GULP1: variants seen among roughly 807,000 people sequenced by gnomAD.
The protein encoded by GULP1 is GULP PTB domain containing engulfment adaptor 1, also known as PTB domain-containing engulfment adapter protein 1.
GULP1 carries 19 observed loss-of-function variants against 40.9 expected under a neutral mutation model. That is an observed-to-expected ratio of 0.46 (90% confidence interval 0.32 to 0.68). The LOEUF (loss-of-function observed/expected upper bound fraction) is 0.68, where lower values mean the gene tolerates loss of function less well. Ranked by LOEUF, GULP1 falls within the 30% of genes least tolerant of loss-of-function variation. GULP1 has a pLI of 0.03. For missense variants in GULP1, 312 were observed against 362.2 expected (o/e 0.86, Z 1.12); for synonymous variants, 119 against 117.6 (o/e 1.01, Z -0.08).
intron 1 of GULP1, among the ~76,000 whole-genome samples, chr2:188,325,400 A>G (rs1375693176): frequency 6.6e-6 from 1 of 152,092 alleles, no homozygotes; most frequent in Admixed American, 6.6e-5. Flanking sequence ...GCCTTGTTCA[A>G]TCTCGTGTTA....
In GULP1 at chr2:188,490,033, T is replaced by C. The variant is rs576598598; in HGVS notation, c.90+6541T>C. On this transcript the variant is annotated intron_variant, in intron 4 of 11. Coordinates refer to ENST00000409830, the MANE Select transcript of GULP1 (RefSeq NM_016315.4). ...AGTACTCTAACAAGTGTTATATAGCTGCTAGAAATTATTGAATAGGAACTA... is the reference window on the plus strand; with the variant it reads ...AGTACTCTAACAAGTGTTATATAGCCGCTAGAAATTATTGAATAGGAACTA... Among the ~76,000 whole-genome samples, 110 of 152,282 alleles carry C rather than the reference T, an allele frequency of 7.2e-4. 1 individual carries two copies. In the South Asian group the frequency reaches 8.7e-3, roughly 12 times the overall value.
chr2:188,382,724 A>G (rs2049157167), intron 1 of GULP1, among the ~76,000 whole-genome samples: 1 of 152,132 alleles, frequency 6.6e-6, no homozygotes, highest in Admixed American at 6.6e-5. Context: ...CCTCTCTACT[A>G]AAAATACAAA....
intron 4 of GULP1, among the ~76,000 whole-genome samples, chr2:188,495,088 C>A (rs1244568914): frequency 2.0e-5 from 3 of 152,032 alleles, no homozygotes; most frequent in African/African-American, 7.2e-5. Context: ...TTCACTAGAT[C>A]AAAGGATCTT....
intron 1 of GULP1, among the ~76,000 whole-genome samples, chr2:188,367,111 A>G (rs952716436): frequency 6.6e-6 from 1 of 152,192 alleles, no homozygotes; most frequent in African/African-American, 2.4e-5. Flanking sequence ...AAATTCCTTG[A>G]GGGCAGAAAA....
At chr2:188,517,473 G>A (rs964186936) in intron 4 of GULP1, among the ~76,000 whole-genome samples, 4 of 151,196 alleles carry the variant, frequency 2.6e-5, no homozygotes, top group Non-Finnish European at 4.4e-5. Context: ...TTTTTATTGC[G>A]CTCCCTCTAC....
chr2:188,345,748 G>A (rs1226801185), intron 1 of GULP1, among the ~76,000 whole-genome samples: 1 of 152,204 alleles, frequency 6.6e-6, no homozygotes, highest in African/African-American at 2.4e-5. Context: ...AGATGCAAGT[G>A]CATTTATAAA....
intron 11 of GULP1, 57 bp from the exon 12 acceptor site, chr2:188,593,883 C>G (rs1704074812): frequency 1.1e-6 from 1 of 940,692 alleles, no homozygotes; most frequent in East Asian, 2.4e-5. Flanking sequence ...TTTTTATTCA[C>G]TGATTTTATT....
intron 4 of GULP1, among the ~76,000 whole-genome samples, chr2:188,490,063 C>T (rs1559300918): frequency 6.6e-6 from 1 of 151,942 alleles, no homozygotes. Context: ...GAACTAAAAA[C>T]TTTTATTAGT....
At chr2:188,387,023 G>A (rs1393691326) in intron 2 of GULP1, among the ~76,000 whole-genome samples, 1 of 151,954 alleles carries the variant, frequency 6.6e-6, no homozygotes, top group African/African-American at 2.4e-5. Flanking sequence ...ATTAACTGAG[G>A]TCAGGAGGTC....
chr2:188,589,203 A>G (rs984560688), intron 11 of GULP1: 1 of 152,186 alleles, frequency 6.6e-6, no homozygotes, highest in African/African-American at 2.4e-5. Flanking sequence ...TGCAACACCA[A>G]TACAGGACGG....
chr2:188,406,093 C>T (rs2053054035), intron 2 of GULP1, among the ~76,000 whole-genome samples: 1 of 152,110 alleles, frequency 6.6e-6, no homozygotes, highest in Non-Finnish European at 1.5e-5. Flanking sequence ...TGTACTTATG[C>T]AAATCTAGAA....
chr2:188,497,909 T>G (rs906730946), intron 4 of GULP1, among the ~76,000 whole-genome samples: 2 of 151,936 alleles, frequency 1.3e-5, no homozygotes, highest in African/African-American at 4.8e-5. Context: ...ATCTCTAGAT[T>G]ATGAACCAAC....
intron 1 of GULP1, among the ~76,000 whole-genome samples, chr2:188,329,363 A>G (rs2041231820): frequency 6.6e-6 from 1 of 152,124 alleles, no homozygotes; most frequent in Non-Finnish European, 1.5e-5. Context: ...TAAGGATGCT[A>G]GTCTAGGAAT....
Position 188,570,032 on chromosome 2 carries a change from A to C in GULP1, c.521A>C (p.Gln174Pro). The change falls in exon 9 of 12, where the codon CAA (glutamine) becomes CCA (proline). Residue 174 changes from glutamine to proline, a missense_variant. Coordinates refer to ENST00000409830, the MANE Select transcript of GULP1 (RefSeq NM_016315.4). The part of the protein sequence containing the change: ...KQIAGLQKRI[Q>P]DLETENMELK... ...CAATAATGATTTTCTTTTTAGATCC[A>C]AGACTTAGAAACAGAAAATATGGAA... is the stretch of plus-strand genomic sequence containing the variant. 8.1e-7 allele frequency: 1 copy of C among 1,232,406 alleles called. No individual in the cohort carries two copies. The highest frequency in any genetic ancestry group is 1.2e-6 in the Non-Finnish European group (1 of 857,098). 76.3% of individuals were successfully genotyped at this position (1,232,406 alleles called of 1,614,324 possible).
chr2:188,530,634 T>C (rs1687293501), intron 6 of GULP1, among the ~76,000 whole-genome samples: 1 of 152,052 alleles, frequency 6.6e-6, no homozygotes, highest in African/African-American at 2.4e-5. Flanking sequence ...AAGGCAGCAA[T>C]CTGCAAGCCA....
intron 4 of GULP1, among the ~76,000 whole-genome samples, chr2:188,502,139 A>AT (rs1483708054): frequency 8.6e-5 from 13 of 151,898 alleles, no homozygotes; most frequent in Non-Finnish European, 4.4e-5. Flanking sequence ...GTAAGAGGCA[A>AT]TTGAGGAGGA....
chr2:188,324,053 G>A lies in GULP1; in HGVS notation c.-172+31887G>A, dbSNP rs558286472. ...TGCCTTCTTATATTTTCAAAACCATGTGCTTAGCATAGCAAAATTTAGTGC... is the reference window on the plus strand; with the variant it reads ...TGCCTTCTTATATTTTCAAAACCATATGCTTAGCATAGCAAAATTTAGTGC... On this transcript the variant is annotated intron_variant, in intron 1 of 11. Coordinates refer to ENST00000409830, the MANE Select transcript of GULP1 (RefSeq NM_016315.4). Among the ~76,000 whole-genome samples, 6 of 152,116 alleles carry A rather than the reference G, an allele frequency of 3.9e-5. No individual in the cohort carries two copies. In the South Asian group the frequency reaches 1.2e-3, roughly 32 times the overall value.
At chr2:188,340,002 T>C (rs1168679849) in intron 1 of GULP1, among the ~76,000 whole-genome samples, 2 of 152,240 alleles carry the variant, frequency 1.3e-5, no homozygotes, top group Admixed American at 6.5e-5. Flanking sequence ...TGTCACTCAA[T>C]ATGGATGAAC....
chr2:188,308,189 ACTGT>A (rs1326614978), intron 1 of GULP1, among the ~76,000 whole-genome samples: 1 of 151,940 alleles, frequency 6.6e-6, no homozygotes, highest in African/African-American at 2.4e-5. Context: ...ATGAGGAGAG[ACTGT>A]CTGTGACTGT....
Sources: gnomAD v4.1 joint callset for allele counts (sites outside exome capture counted in the v4.1 genomes callset) on GRCh38, gnomAD v4.1.1 for gene constraint, MANE v1.5 for transcripts, NCBI Gene and HGNC (gene_info 2026-07-23, HGNC 2026-07-21) for gene names.